Variants in PLA2G4E observed in about 807,000 individuals in gnomAD.
The protein encoded by PLA2G4E is phospholipase A2 group IVE.
PLA2G4E carries 84 observed loss-of-function variants against 109.1 expected under a neutral mutation model. That is an observed-to-expected ratio of 0.77 (90% confidence interval 0.65 to 0.92). The LOEUF (loss-of-function observed/expected upper bound fraction) is 0.92. Ranked by LOEUF, PLA2G4E falls within the 40% of genes least tolerant of loss-of-function variation. PLA2G4E has a pLI of 0.00. For missense variants in PLA2G4E, 1,057 were observed against 1,076.6 expected (o/e 0.98, Z 0.25); for synonymous variants, 469 against 436.1 (o/e 1.08, Z -0.94).
At chr15:42,047,384 C>T (rs1032467019) in intron 1 of PLA2G4E, among the ~76,000 whole-genome samples, 2 of 152,120 alleles carry the variant, frequency 1.3e-5, no homozygotes, top group Admixed American at 1.3e-4. Context: ...GGCAGAAGGG[C>T]AAGAGAGCAC....
intron 2 of PLA2G4E, among the ~76,000 whole-genome samples, chr15:42,009,477 A>G (rs1010833754): frequency 6.6e-6 from 1 of 152,160 alleles, no homozygotes. Context: ...GGAGCTTTTT[A>G]GATATGACCA....
At chr15:42,010,142 C>CGCCCCG (rs1555387035) in intron 2 of PLA2G4E, 9 of 459,746 alleles carry the variant, frequency 2.0e-5, no homozygotes, top group African/African-American at 6.7e-5. Context: ...GCCCCCCCAC[C>CGCCCCG]CCGGGCCTGG....
chr15:42,041,401 G>C (rs1042935006), intron 1 of PLA2G4E, among the ~76,000 whole-genome samples: 1 of 152,164 alleles, frequency 6.6e-6, no homozygotes, highest in African/African-American at 2.4e-5. Context: ...GCATCTAGGC[G>C]TTGGATACTG....
chr15:42,015,963 G>A (rs899460483), intron 1 of PLA2G4E, among the ~76,000 whole-genome samples: 4 of 152,114 alleles, frequency 2.6e-5, no homozygotes, highest in African/African-American at 4.8e-5. Flanking sequence ...TTTTACCCAC[G>A]CTTAGAAGAG....
At chr15:41,992,048 CTCT>C (rs2068257869) in intron 13 of PLA2G4E, among the ~76,000 whole-genome samples, 1 of 152,160 alleles carries the variant, frequency 6.6e-6, no homozygotes, top group South Asian at 2.1e-4. Context: ...CAGGCTGGTC[CTCT>C]TCTTGGGCAC....
intron 11 of PLA2G4E, among the ~76,000 whole-genome samples, chr15:41,996,350 GAAAAAAA>G (rs34559872): frequency 0.019 from 1,434 of 75,066 alleles, 20 homozygotes; most frequent in African/African-American, 0.074. Context: ...CCTGTCTCAA[GAAAAAAA>G]AAAAAAAAAA....
intron 9 of PLA2G4E, 68 bp from the exon 10 acceptor site, chr15:41,999,629 C>T: frequency 6.3e-7 from 1 of 1,576,152 alleles, no homozygotes; most frequent in Non-Finnish European, 8.6e-7. Context: ...CAGATCCACA[C>T]TGTCCACCCA....
intron 16 of PLA2G4E, among the ~76,000 whole-genome samples, chr15:41,987,637 A>C (rs531917265): frequency 2.6e-5 from 4 of 152,166 alleles, no homozygotes; most frequent in Admixed American, 1.3e-4. Flanking sequence ...AGTTTCAAAG[A>C]GTGACCTGTG....
At chr15:41,983,616 C>A in exon 20 of PLA2G4E, 1 of 740,614 alleles carries the variant, frequency 1.4e-6, no homozygotes, top group Non-Finnish European at 2.2e-6. Context: ...TTTTACTTTT[C>A]GTTAGAAAGC....
At chr15:42,035,949 T>C (rs894125649) in intron 1 of PLA2G4E, among the ~76,000 whole-genome samples, 38 of 152,258 alleles carry the variant, frequency 2.5e-4, no homozygotes, top group African/African-American at 8.9e-4. Flanking sequence ...TTTTAAACTT[T>C]ATATAAGCTA....
intron 1 of PLA2G4E, among the ~76,000 whole-genome samples, chr15:42,016,689 G>A (rs569743509): frequency 9.5e-4 from 144 of 152,246 alleles, no homozygotes; most frequent in Admixed American, 2.2e-3. Context: ...GGAAGGTCAC[G>A]TTATTTAGCC....
chr15:42,035,794 A>T (rs1475162500), intron 1 of PLA2G4E, among the ~76,000 whole-genome samples: 2 of 152,112 alleles, frequency 1.3e-5, no homozygotes, highest in Non-Finnish European at 2.9e-5. Flanking sequence ...CCATTTTATT[A>T]TTCTCTATAC....
chr15:42,028,905 G>A (rs1889068967), intron 1 of PLA2G4E, among the ~76,000 whole-genome samples: 1 of 151,934 alleles, frequency 6.6e-6, no homozygotes, highest in South Asian at 2.1e-4. Flanking sequence ...AGAACTTCTG[G>A]CCAGCAAACT....
chr15:42,042,206 A>G (rs2141077444), intron 1 of PLA2G4E, among the ~76,000 whole-genome samples: 2 of 152,350 alleles, frequency 1.3e-5, no homozygotes, highest in East Asian at 1.9e-4. Flanking sequence ...ATCACTATTC[A>G]CTGATATGTA....
exon 19 of PLA2G4E, chr15:41,984,562 C>G: frequency 6.2e-7 from 1 of 1,613,854 alleles, no homozygotes; most frequent in Non-Finnish European, 8.5e-7. Context: ...TCTGGCAGCT[C>G]GTATTTGGGG....
chr15:42,005,011 T>A (rs1387257938), intron 4 of PLA2G4E, 33 bp from the exon 5 acceptor site: 1 of 1,609,232 alleles, frequency 6.2e-7, no homozygotes, highest in East Asian at 2.2e-5. Context: ...CAGCTGTGAG[T>A]GGCGTCTGCA....
intron 6 of PLA2G4E, among the ~76,000 whole-genome samples, chr15:42,002,264 CAA>C (rs71108143): frequency 8.2e-5 from 6 of 73,204 alleles, no homozygotes; most frequent in African/African-American, 3.1e-4. Flanking sequence ...GACCTTGTCT[CAA>C]AAAAAAAAAA....
chr15:41,987,305 T>C lies in PLA2G4E; in HGVS notation c.1902A>G (p.Pro634=), dbSNP rs765574855. 2.2e-5 allele frequency: 35 copies of C among 1,613,876 alleles called. No individual in the cohort carries two copies. The East Asian group carries it at 6.9e-4, about 32-fold the overall frequency. ...GGAAAGAATTGGACAGCCATGACCC[T>C]GGGATCACTACCGTGGTCTCCAGGA... is the stretch of plus-strand genomic sequence containing the variant. The change falls in exon 17 of 20, where the codon CCA becomes CCG. Residue 634 remains proline, a synonymous_variant. Coordinates refer to ENST00000399518, the Ensembl canonical transcript of PLA2G4E.
intron 1 of PLA2G4E, among the ~76,000 whole-genome samples, chr15:42,037,170 C>T (rs1478746694): frequency 6.6e-6 from 1 of 152,208 alleles, no homozygotes; most frequent in Non-Finnish European, 1.5e-5. Flanking sequence ...CCATAGGTGG[C>T]AGCAGAAGGC....
Sources: gnomAD v4.1 joint callset for allele counts (sites outside exome capture counted in the v4.1 genomes callset) on GRCh38, gnomAD v4.1.1 for gene constraint, MANE v1.5 for transcripts, NCBI Gene and HGNC (gene_info 2026-07-23, HGNC 2026-07-21) for gene names.